CSMD2: variants seen among roughly 807,000 people sequenced by gnomAD.
CSMD2 encodes CUB and sushi domain-containing protein 2.
Under a neutral mutation model 398.5 loss-of-function variants are expected in CSMD2, and 130 were observed. The ratio of observed to expected loss-of-function variants is 0.33; its 90% CI spans 0.28 to 0.38. The LOEUF (loss-of-function observed/expected upper bound fraction) is 0.38, where lower values mean the gene tolerates loss of function less well. CSMD2 is among the 10% of genes least tolerant of loss of function. The pLI is 1.00. For synonymous variants in CSMD2, 1,828 were observed against 1,908.5 expected, an observed-to-expected ratio of 0.96 and a Z score of 1.10; for missense variants, 3,829 against 4,764.9, an observed-to-expected ratio of 0.80 and a Z score of 5.78.
chr1:33,596,587 G>C (rs1439347289), intron 44 of CSMD2, among the ~76,000 whole-genome samples: 1 of 152,190 alleles, frequency 6.6e-6, no homozygotes, highest in Non-Finnish European at 1.5e-5. Context: ...GGGAGAAGGG[G>C]AAGCAAACAC....
chr1:34,134,345 G>A (rs747195316), intron 1 of CSMD2, among the ~76,000 whole-genome samples: 4 of 152,134 alleles, frequency 2.6e-5, no homozygotes, highest in East Asian at 1.9e-4. Context: ...TAAAGAGGCC[G>A]CAAATATCCC....
chr1:33,752,601 CA>C (rs1454031774), intron 13 of CSMD2, among the ~76,000 whole-genome samples: 3 of 152,022 alleles, frequency 2.0e-5, no homozygotes, highest in Non-Finnish European at 2.9e-5. Flanking sequence ...AAATTGGTAC[CA>C]GGGGTGTGGG....
intron 12 of CSMD2, among the ~76,000 whole-genome samples, chr1:33,784,669 C>T (rs998011782): frequency 2.6e-5 from 4 of 152,144 alleles, no homozygotes; most frequent in African/African-American, 9.7e-5. Flanking sequence ...AGGCAGGGAC[C>T]TAAACCCAGG....
intron 45 of CSMD2, 147 bp from the exon 46 acceptor site, chr1:33,586,764 G>A (rs1639106349): frequency 4.8e-6 from 3 of 619,848 alleles, no homozygotes; most frequent in East Asian, 2.8e-5. Flanking sequence ...TGGCCCAGAC[G>A]ACTGCTCCCC....
At chr1:33,554,288 G>A (rs112145321) in intron 55 of CSMD2, among the ~76,000 whole-genome samples, 1,669 of 146,756 alleles carry the variant, frequency 0.011, 34 homozygotes, top group African/African-American at 0.041. Context: ...CCACCTCCCA[G>A]GTTCAAGCAA....
intron 27 of CSMD2, among the ~76,000 whole-genome samples, chr1:33,653,703 T>C (rs1285862311): frequency 6.6e-6 from 1 of 151,942 alleles, no homozygotes; most frequent in Non-Finnish European, 1.5e-5. Flanking sequence ...TGCTGTACCG[T>C]GGCATGAGGA....
intron 4 of CSMD2, among the ~76,000 whole-genome samples, chr1:33,925,245 T>C (rs1237466385): frequency 6.6e-6 from 1 of 152,138 alleles, no homozygotes; most frequent in Non-Finnish European, 1.5e-5. Flanking sequence ...GAGATGGGTG[T>C]TTAGTTTCAT....
At chr1:33,606,593 G>A (rs544740262) in intron 41 of CSMD2, among the ~76,000 whole-genome samples, 39 of 152,360 alleles carry the variant, frequency 2.6e-4, no homozygotes, top group South Asian at 6.2e-4. Flanking sequence ...GGTTTGGGCC[G>A]TTTGGCAACG....
intron 2 of CSMD2, among the ~76,000 whole-genome samples, chr1:34,063,021 G>A (rs768420456): frequency 5.9e-5 from 9 of 152,108 alleles, no homozygotes; most frequent in East Asian, 1.9e-4. Flanking sequence ...ATGCAAAAGC[G>A]GAAACCCCGA....
intron 3 of CSMD2, among the ~76,000 whole-genome samples, chr1:33,976,618 T>G (rs910543733): frequency 1.3e-5 from 2 of 152,058 alleles, no homozygotes; most frequent in Non-Finnish European, 2.9e-5. Flanking sequence ...ATGATGCGAG[T>G]GGTCCAGGAG....
chr1:33,858,012 C>G (rs573753344), intron 5 of CSMD2, among the ~76,000 whole-genome samples: 1 of 152,184 alleles, frequency 6.6e-6, no homozygotes, highest in Non-Finnish European at 1.5e-5. Context: ...AGCCAGGCAT[C>G]CCCCAACCAG....
At chr1:33,679,053 G>A (rs965623944) in intron 25 of CSMD2, among the ~76,000 whole-genome samples, 2 of 152,172 alleles carry the variant, frequency 1.3e-5, no homozygotes, top group South Asian at 4.1e-4. Flanking sequence ...CTCTGAGACT[G>A]CCTATCACTA....
chr1:34,092,216 C>A (rs763064137), intron 1 of CSMD2, among the ~76,000 whole-genome samples: 3 of 152,064 alleles, frequency 2.0e-5, no homozygotes, highest in Non-Finnish European at 4.4e-5. Context: ...ATTTGAATAA[C>A]TGGAGAGACA....
chr1:33,715,266 C>T (rs1646129560), intron 20 of CSMD2, among the ~76,000 whole-genome samples: 1 of 152,198 alleles, frequency 6.6e-6, no homozygotes, highest in African/African-American at 2.4e-5. Flanking sequence ...GAATACATGA[C>T]TTAGCCTCAG....
intron 8 of CSMD2, 67 bp from the exon 9 acceptor site, chr1:33,819,904 T>C (rs915518731): frequency 3.4e-5 from 54 of 1,593,920 alleles, no homozygotes; most frequent in Non-Finnish European, 4.4e-5. Flanking sequence ...AAGTCCTTCC[T>C]GGTTCCACAA....
intron 2 of CSMD2, among the ~76,000 whole-genome samples, chr1:34,086,556 T>G (rs1657909836): frequency 6.6e-6 from 1 of 152,200 alleles, no homozygotes; most frequent in Non-Finnish European, 1.5e-5. Flanking sequence ...CCAAGGAGAC[T>G]GGAATCATCC....
In CSMD2 at chr1:33,652,319, A is replaced by G. The variant is rs565542444; in HGVS notation, c.4586+4T>C. 10 of 1,614,092 alleles carry G rather than the reference A, an allele frequency of 6.2e-6. 1 individual carries two copies. The South Asian group carries it at 6.6e-5, about 11-fold the overall frequency. On this transcript the variant is annotated splice_donor_region_variant and intron_variant, in intron 28 of 70. Transcript: ENST00000373381. Reference sequence around the variant, plus strand: ...CGTCTCCCACCCGGGGGAAAGGTACATACATGTTAAATACCAGGGCGATGA... The same window carrying G: ...CGTCTCCCACCCGGGGGAAAGGTACGTACATGTTAAATACCAGGGCGATGA...
chr1:33,750,449 C>T (rs1427823789), intron 13 of CSMD2, among the ~76,000 whole-genome samples: 1 of 152,094 alleles, frequency 6.6e-6, no homozygotes, highest in Non-Finnish European at 1.5e-5. Context: ...AATTAATCTG[C>T]CCATGGTCAT....
At chr1:33,901,098 C>T (rs1642727537) in intron 5 of CSMD2, among the ~76,000 whole-genome samples, 1 of 152,184 alleles carries the variant, frequency 6.6e-6, no homozygotes, top group Admixed American at 6.5e-5. Context: ...GATGGGTATG[C>T]CAATACCTAA....
Sources: gnomAD v4.1 joint callset for allele counts (sites outside exome capture counted in the v4.1 genomes callset) on GRCh38, gnomAD v4.1.1 for gene constraint, MANE v1.5 for transcripts, NCBI Gene and HGNC (gene_info 2026-07-23, HGNC 2026-07-21) for gene names.